The following RBFOX1 variants were observed in gnomAD, a reference collection of about 807,000 sequenced individuals.
The protein encoded by RBFOX1 is RNA binding protein fox-1 homolog 1.
A neutral mutation model predicts 57.7 loss-of-function variants in RBFOX1; 8 were observed. That is an observed-to-expected ratio of 0.14 (90% CI 0.08 to 0.25). The LOEUF (loss-of-function observed/expected upper bound fraction) is 0.25. Ranked by LOEUF, RBFOX1 falls within the 10% of genes least tolerant of loss-of-function variation. RBFOX1 has a pLI of 1.00. For synonymous variants in RBFOX1, 326 were observed against 222.4 expected (o/e 1.47, Z -4.15); for missense variants, 611 against 548.5 (o/e 1.11, Z -1.14).
Position 7,625,458 on chromosome 16 carries a change from C to G in RBFOX1, c.677-5145C>G, listed in dbSNP as rs78103779. On this transcript the variant is annotated intron_variant, in intron 10 of 15. Coordinates refer to ENST00000550418, the MANE Select transcript of RBFOX1 (RefSeq NM_018723.4). ...CTTAATAACTCCTGTATTAGAGGTACAGACAGTGCATGACATATACAGAAA... is the reference window on the plus strand; with the variant it reads ...CTTAATAACTCCTGTATTAGAGGTAGAGACAGTGCATGACATATACAGAAA... Among the ~76,000 whole-genome samples, 2 of 152,126 alleles carry G rather than the reference C, an allele frequency of 1.3e-5. 1 individual carries two copies.
intron 2 of RBFOX1, among the ~76,000 whole-genome samples, chr16:6,356,324 T>G (rs905513042): frequency 1.3e-5 from 2 of 152,204 alleles, no homozygotes; most frequent in African/African-American, 4.8e-5. Context: ...TCAGCCAGCA[T>G]GTCACATTAA....
chr16:5,412,875 G>A (rs1440022136), intron 1 of RBFOX1, among the ~76,000 whole-genome samples: 2 of 152,178 alleles, frequency 1.3e-5, no homozygotes, highest in Non-Finnish European at 2.9e-5. Context: ...ACAACTGTGA[G>A]CAAATGCTGG....
intron 7 of RBFOX1, among the ~76,000 whole-genome samples, chr16:7,592,274 A>T (rs1417912583): frequency 6.6e-6 from 1 of 152,248 alleles, no homozygotes; most frequent in Non-Finnish European, 1.5e-5. Flanking sequence ...TGAGAACTTG[A>T]GAATAGATGA....
rs150566654 is a variant in RBFOX1 at position 5,561,372 on chromosome 16, AT to A, written c.259-37520del. ...GGCTAAAAAGGGGACCTATAGCTTC[AT>A]TTTTTTTTTCTTTAAAAACCCCCAA... On this transcript the variant is annotated intron_variant, in intron 2 of 2. Coordinates refer to the RBFOX1 transcript ENST00000585867. 5.3e-3 allele frequency among the ~76,000 whole-genome samples: 787 copies of A among 149,712 alleles called. 11 individuals carry two copies. Among genetic ancestry groups the A allele is most frequent in the African/African-American group, 0.017 (684 of 40,836 alleles).
intron 3 of RBFOX1, among the ~76,000 whole-genome samples, chr16:5,739,887 A>G (rs2052714768): frequency 6.6e-6 from 1 of 152,254 alleles, no homozygotes; most frequent in African/African-American, 2.4e-5. Context: ...TTGGGATATT[A>G]AAAATGTAAA....
intron 4 of RBFOX1, among the ~76,000 whole-genome samples, chr16:5,918,516 T>TA (rs1174569047): frequency 2.0e-5 from 3 of 152,300 alleles, no homozygotes. Flanking sequence ...ACCTGACAGA[T>TA]AGTAAGGGTT....
intron 3 of RBFOX1, among the ~76,000 whole-genome samples, chr16:5,685,200 T>C (rs536250863): frequency 5.3e-5 from 8 of 152,328 alleles, no homozygotes; most frequent in African/African-American, 1.9e-4. Context: ...GAAGGAGATA[T>C]CACCAACCTA....
intron 2 of RBFOX1, among the ~76,000 whole-genome samples, chr16:6,378,392 T>G (rs1405149440): frequency 2.0e-5 from 3 of 152,190 alleles, no homozygotes; most frequent in Non-Finnish European, 2.9e-5. Context: ...CTGGGCATCT[T>G]TCTGCACTAG....
intron 5 of RBFOX1, among the ~76,000 whole-genome samples, chr16:7,520,120 C>T (rs557562113): frequency 1.2e-4 from 18 of 152,140 alleles, no homozygotes; most frequent in Admixed American, 2.0e-4. Flanking sequence ...CTCCTGACCT[C>T]GCGATCTGCC....
At chr16:6,380,140 T>C (rs1295169390) in intron 2 of RBFOX1, among the ~76,000 whole-genome samples, 1 of 152,018 alleles carries the variant, frequency 6.6e-6, no homozygotes, top group Non-Finnish European at 1.5e-5. Context: ...AGGTTGAAGA[T>C]GGGAGGAAAG....
At chr16:7,034,841 C>CTTTTCTTTTTTTTTTTTTTTT in intron 3 of RBFOX1, among the ~76,000 whole-genome samples, 1 of 39,160 alleles carries the variant, frequency 2.6e-5, no homozygotes, top group East Asian at 1.1e-3. Context: ...TTTTTTTTTT[C>CTTTTCTTTTTTTTTTTTTTTT]TTTTTTCTTT....
chr16:5,506,881 A>T (rs1007004206), intron 2 of RBFOX1, among the ~76,000 whole-genome samples: 12 of 151,936 alleles, frequency 7.9e-5, no homozygotes, highest in African/African-American at 2.9e-4. Flanking sequence ...GATACCCTCC[A>T]TTTGCATTTC....
rs186515032 is a variant in RBFOX1 at position 7,400,225 on chromosome 16, T to C, written c.28-117922T>C. ...TAAGAATCTCCTGGGGTTGTTAAAATTGCACCTTCCCCAAAGCTCCCATCT... is the reference window on the plus strand; with the variant it reads ...TAAGAATCTCCTGGGGTTGTTAAAACTGCACCTTCCCCAAAGCTCCCATCT... On this transcript the variant is annotated intron_variant, in intron 4 of 15. Transcript: ENST00000550418. Among the ~76,000 whole-genome samples, 880 of 152,242 alleles carry C rather than the reference T, an allele frequency of 5.8e-3. 6 individuals carry two copies. Among genetic ancestry groups the C allele is most frequent in the Admixed American group, 0.012 (182 of 15,290 alleles).
At chr16:5,486,309 G>A (rs991451846) in intron 2 of RBFOX1, among the ~76,000 whole-genome samples, 2 of 152,208 alleles carry the variant, frequency 1.3e-5, no homozygotes, top group Non-Finnish European at 2.9e-5. Flanking sequence ...GGAAGGACAA[G>A]GGGGCTCAAT....
intron 5 of RBFOX1, among the ~76,000 whole-genome samples, chr16:7,550,898 A>C (rs1303632966): frequency 6.6e-6 from 1 of 152,048 alleles, no homozygotes. Context: ...GTTTCAGACC[A>C]GCCTGGCCAA....
intron 1 of RBFOX1, among the ~76,000 whole-genome samples, chr16:5,435,507 T>C (rs471459): frequency 6.6e-6 from 1 of 152,024 alleles, no homozygotes; most frequent in African/African-American, 2.4e-5. Flanking sequence ...TCTCCCTCTG[T>C]AAGATGGGTC....
chr16:6,010,152 C>G (rs1049784847), intron 4 of RBFOX1, among the ~76,000 whole-genome samples: 1 of 152,132 alleles, frequency 6.6e-6, no homozygotes, highest in African/African-American at 2.4e-5. Context: ...CAGGTGTTTT[C>G]TGCTAACATG....
At chr16:6,478,407 ATATATATATATATATATATATATTT>A (rs1354032284) in intron 2 of RBFOX1, among the ~76,000 whole-genome samples, 3 of 18,462 alleles carry the variant, frequency 1.6e-4, no homozygotes, top group East Asian at 1.9e-3. Context: ...ATATATATAT[ATATATATATATATATATATATATTT>A]TTTTTTTTTT....
At chr16:6,256,488 T>A (rs2097668158) in intron 1 of RBFOX1, among the ~76,000 whole-genome samples, 1 of 151,220 alleles carries the variant, frequency 6.6e-6, no homozygotes, top group Non-Finnish European at 1.5e-5. Context: ...GAGAAGTTGA[T>A]GAGACCAGAT....
Sources: gnomAD v4.1 joint callset for allele counts (sites outside exome capture counted in the v4.1 genomes callset) on GRCh38, gnomAD v4.1.1 for gene constraint, MANE v1.5 for transcripts, NCBI Gene and HGNC (gene_info 2026-07-23, HGNC 2026-07-21) for gene names.